CSMD1: variants seen among roughly 807,000 people sequenced by gnomAD.
CSMD1 encodes CUB and Sushi multiple domains 1.
A neutral mutation model predicts 417.5 loss-of-function variants in CSMD1; 213 were observed. The observed-to-expected ratio is 0.51, with a 90% CI of 0.46 to 0.57. The LOEUF is 0.57. Among genes scored for constraint, CSMD1 ranks in the 20% least tolerant of loss-of-function variants. The pLI, the probability that CSMD1 is intolerant of heterozygous loss-of-function variation, is 0.00. For missense variants in CSMD1, 6,923 were observed against 4,529.7 expected, an observed-to-expected ratio of 1.53 and a Z score of -15.17; for synonymous variants, 2,862 against 1,736.8, an observed-to-expected ratio of 1.65 and a Z score of -16.11.
At chr8:4,526,484 G>A (rs1585203850) in intron 2 of CSMD1, among the ~76,000 whole-genome samples, 1 of 152,140 alleles carries the variant, frequency 6.6e-6, no homozygotes, top group Non-Finnish European at 1.5e-5. Flanking sequence ...GGTAATTATT[G>A]TGCAAGCAAG....
chr8:3,337,122 T>G (rs1222729099), intron 23 of CSMD1, among the ~76,000 whole-genome samples: 1 of 152,042 alleles, frequency 6.6e-6, no homozygotes, highest in Admixed American at 6.5e-5. Flanking sequence ...ACCCTGGGCA[T>G]GACAAGAAGA....
At chr8:3,267,104 G>A (rs1297759383) in intron 26 of CSMD1, among the ~76,000 whole-genome samples, 2 of 151,946 alleles carry the variant, frequency 1.3e-5, no homozygotes, top group East Asian at 1.9e-4. Flanking sequence ...TGAAAATCAG[G>A]AGAGAAAGAG....
chr8:3,294,834 C>A (rs765334308), intron 25 of CSMD1, among the ~76,000 whole-genome samples: 1 of 152,104 alleles, frequency 6.6e-6, no homozygotes, highest in Admixed American at 6.5e-5. Flanking sequence ...CATTGTCCTG[C>A]ACCCACTTTC....
intron 2 of CSMD1, among the ~76,000 whole-genome samples, chr8:4,609,927 G>C (rs915641596): frequency 3.3e-5 from 5 of 151,986 alleles, no homozygotes; most frequent in African/African-American, 1.2e-4. Context: ...GAAATTATCA[G>C]GTAAGTATTC....
At chr8:3,056,843 AT>A (rs1222317478) in intron 49 of CSMD1, among the ~76,000 whole-genome samples, 13 of 151,912 alleles carry the variant, frequency 8.6e-5, no homozygotes, top group Non-Finnish European at 1.8e-4. Context: ...TTATATATGT[AT>A]ATAGAAGTAT....
intron 3 of CSMD1, among the ~76,000 whole-genome samples, chr8:4,132,374 C>G (rs1803163455): frequency 1.3e-5 from 2 of 151,996 alleles, no homozygotes; most frequent in Admixed American, 6.6e-5. Flanking sequence ...TACATCTTGA[C>G]TTTGTGCCTA....
At chr8:3,569,706 T>C (rs151252039) in intron 10 of CSMD1, among the ~76,000 whole-genome samples, 87 of 152,308 alleles carry the variant, frequency 5.7e-4, no homozygotes, top group African/African-American at 2.0e-3. Flanking sequence ...AGAAACCCAC[T>C]TACTTGGAAT....
intron 2 of CSMD1, among the ~76,000 whole-genome samples, chr8:4,454,293 A>C (rs896339369): frequency 2.0e-5 from 3 of 152,116 alleles, no homozygotes; most frequent in Non-Finnish European, 4.4e-5. Flanking sequence ...TTCGGTGGAC[A>C]CCAGACGCAG....
chr8:3,037,356 C>G (rs940526218), intron 50 of CSMD1, among the ~76,000 whole-genome samples: 1 of 136,502 alleles, frequency 7.3e-6, no homozygotes, highest in Non-Finnish European at 1.7e-5. Flanking sequence ...CAGGCGCCCG[C>G]CACCAAGCCC....
chr8:3,047,382 T>G (rs190731461), intron 50 of CSMD1, among the ~76,000 whole-genome samples: 122 of 152,312 alleles, frequency 8.0e-4, no homozygotes, highest in African/African-American at 2.9e-3. Context: ...TCCGGCCTTC[T>G]GTTTCATGTC....
At chr8:3,260,217 T>C (rs937461301) in intron 26 of CSMD1, among the ~76,000 whole-genome samples, 2 of 152,196 alleles carry the variant, frequency 1.3e-5, no homozygotes, top group South Asian at 2.1e-4. Context: ...AATTGAACTC[T>C]TTATGCATAT....
At chr8:4,457,673 AAGAGCACTAG>A (rs1410041933) in intron 2 of CSMD1, among the ~76,000 whole-genome samples, 1 of 152,174 alleles carries the variant, frequency 6.6e-6, no homozygotes, top group Non-Finnish European at 1.5e-5. Context: ...TCAGACAATG[AAGAGCACTAG>A]AGGTTCACAT....
chr8:4,845,728 G>C (rs1375368421), intron 1 of CSMD1, among the ~76,000 whole-genome samples: 1 of 152,186 alleles, frequency 6.6e-6, no homozygotes, highest in Non-Finnish European at 1.5e-5. Flanking sequence ...AAAGCACAGA[G>C]AGGGAGCACT....
chr8:4,216,327 G>C (rs1219463397), intron 3 of CSMD1, among the ~76,000 whole-genome samples: 1 of 152,036 alleles, frequency 6.6e-6, no homozygotes, highest in African/African-American at 2.4e-5. Context: ...AGTAACTGCA[G>C]GGATGCTTTC....
chr8:4,701,736 A>G lies in CSMD1; in HGVS notation c.86-64178T>C, dbSNP rs535264734. On this transcript the variant is annotated intron_variant, in intron 1 of 69. Transcript: ENST00000635120. ...AATCATAACATTCCTCTTTTTCTAA[A>G]CACTTTTAAGTGTTACTTTCTTCAA... is the stretch of plus-strand genomic sequence containing the variant. Among the ~76,000 whole-genome samples, 352 of 151,186 alleles carry G rather than the reference A, an allele frequency of 2.3e-3. 2 individuals are homozygous for G. The highest frequency in any genetic ancestry group is 8.2e-3 in the African/African-American group (336 of 40,972).
intron 1 of CSMD1, among the ~76,000 whole-genome samples, chr8:4,672,816 AAC>A (rs374959695): frequency 1.4e-3 from 209 of 152,052 alleles, no homozygotes; most frequent in African/African-American, 2.1e-3. Context: ...ATGGTAACAA[AAC>A]ACACACACAC....
chr8:3,436,782 CT>C (rs1347918427), intron 12 of CSMD1, among the ~76,000 whole-genome samples: 2 of 152,160 alleles, frequency 1.3e-5, no homozygotes, highest in African/African-American at 4.8e-5. Flanking sequence ...AAGATATTTT[CT>C]TCTTCTCTTC....
At chr8:3,074,247 T>A (rs1172638464) in intron 49 of CSMD1, among the ~76,000 whole-genome samples, 1 of 152,200 alleles carries the variant, frequency 6.6e-6, no homozygotes, top group African/African-American at 2.4e-5. Context: ...CCAGTCTTTC[T>A]CAGGCCTTCA....
chr8:4,394,895 CCA>C (rs1804095498), intron 3 of CSMD1, among the ~76,000 whole-genome samples: 2 of 152,280 alleles, frequency 1.3e-5, no homozygotes, highest in South Asian at 2.1e-4. Context: ...TCTGTTTTCA[CCA>C]CAGTGTTCCT....
Sources: allele counts gnomAD v4.1 joint callset (sites outside exome capture counted in the v4.1 genomes callset), GRCh38; gene constraint gnomAD v4.1.1; transcripts MANE v1.5; gene names NCBI Gene and HGNC (gene_info 2026-07-23, HGNC 2026-07-21).